PIP4K2A: variants seen among roughly 807,000 people sequenced by gnomAD.
PIP4K2A encodes the protein phosphatidylinositol 5-phosphate 4-kinase type-2 alpha.
In PIP4K2A, 14 loss-of-function variants were observed where a neutral mutation model predicts 42.9. That is an observed-to-expected ratio of 0.33 (90% CI 0.22 to 0.51). The LOEUF is 0.51. Among genes scored for constraint, PIP4K2A ranks in the 20% least tolerant of loss-of-function variants. PIP4K2A has a pLI of 0.97. For synonymous variants in PIP4K2A, 192 were observed against 192.2 expected, an observed-to-expected ratio of 1.00 and a Z score of 0.01; for missense variants, 434 against 519.8, an observed-to-expected ratio of 0.83 and a Z score of 1.61.
At chr10:22,670,442 A>T (rs1839427119) in intron 1 of PIP4K2A, among the ~76,000 whole-genome samples, 1 of 152,166 alleles carries the variant, frequency 6.6e-6, no homozygotes, top group Non-Finnish European at 1.5e-5. Flanking sequence ...TCCATATGCA[A>T]ACAGCTGTGA....
At chr10:22,607,531 C>G (rs35260664) in intron 3 of PIP4K2A, among the ~76,000 whole-genome samples, 3 of 152,082 alleles carry the variant, frequency 2.0e-5, no homozygotes, top group Non-Finnish European at 4.4e-5. Context: ...GATAAAGATT[C>G]CTGAGAGTCC....
intron 1 of PIP4K2A, among the ~76,000 whole-genome samples, chr10:22,613,947 C>T (rs1588663965): frequency 6.6e-6 from 1 of 152,188 alleles, no homozygotes; most frequent in Admixed American, 6.5e-5. Flanking sequence ...CCACTGTAGT[C>T]GATGGTGCAA....
At chr10:22,664,767 C>T (rs1750743) in intron 1 of PIP4K2A, among the ~76,000 whole-genome samples, 17,292 of 152,036 alleles carry the variant, frequency 0.11, 2,069 homozygotes, top group African/African-American at 0.3. Context: ...GAGCCACAGA[C>T]ATCTTCTAGG....
intron 1 of PIP4K2A, chr10:22,694,361 CCT>C (rs1839929095): frequency 6.6e-6 from 1 of 152,016 alleles, no homozygotes; most frequent in Non-Finnish European, 1.5e-5. Context: ...GCAGTGGGTC[CCT>C]CTGTCATCTG....
intron 9 of PIP4K2A, among the ~76,000 whole-genome samples, chr10:22,538,569 C>T (rs9783120): frequency 2.1e-3 from 316 of 152,292 alleles, no homozygotes; most frequent in African/African-American, 7.1e-3. Flanking sequence ...AAGGGTCAAA[C>T]GAGGATTCCT....
At chr10:22,619,148 G>T (rs1457603695) in intron 1 of PIP4K2A, among the ~76,000 whole-genome samples, 1 of 151,822 alleles carries the variant, frequency 6.6e-6, no homozygotes, top group Non-Finnish European at 1.5e-5. Flanking sequence ...AATGAATATA[G>T]GTTGAAACAA....
At chr10:22,660,114 T>G (rs1332689558) in intron 1 of PIP4K2A, among the ~76,000 whole-genome samples, 1 of 152,098 alleles carries the variant, frequency 6.6e-6, no homozygotes, top group African/African-American at 2.4e-5. Context: ...ACCGTCTCAC[T>G]TCCCCCTACA....
At chr10:22,569,472 T>C (rs1836929556) in intron 5 of PIP4K2A, among the ~76,000 whole-genome samples, 1 of 152,214 alleles carries the variant, frequency 6.6e-6, no homozygotes, top group African/African-American at 2.4e-5. Context: ...TTTCCTTCCT[T>C]TAGGGATTCC....
intron 4 of PIP4K2A, among the ~76,000 whole-genome samples, chr10:22,578,316 C>A (rs1837170522): frequency 6.6e-6 from 1 of 152,210 alleles, no homozygotes; most frequent in East Asian, 1.9e-4. Context: ...CATTCTGCAG[C>A]TCATCCTGCT....
At chr10:22,646,066 CAATCTG>C (rs919699894) in intron 1 of PIP4K2A, among the ~76,000 whole-genome samples, 5 of 152,096 alleles carry the variant, frequency 3.3e-5, no homozygotes, top group African/African-American at 9.7e-5. Context: ...ATTTCATGAT[CAATCTG>C]CCTGAGAAAA....
intron 5 of PIP4K2A, 152 bp from the exon 6 acceptor site, chr10:22,568,041 T>TG: frequency 1.4e-6 from 1 of 724,312 alleles, no homozygotes; most frequent in Non-Finnish European, 2.5e-6. Context: ...CATCCCTCCC[T>TG]GACCATGGCT....
chr10:22,573,641 CAGAAA>C (rs1301196144), intron 4 of PIP4K2A, among the ~76,000 whole-genome samples, 184 bp from the exon 5 acceptor site: 3 of 152,214 alleles, frequency 2.0e-5, no homozygotes, highest in Non-Finnish European at 4.4e-5. Flanking sequence ...CATCTCTACA[CAGAAA>C]AGAAAATTCA....
intron 6 of PIP4K2A, among the ~76,000 whole-genome samples, chr10:22,562,410 G>T (rs887671450): frequency 6.6e-6 from 1 of 152,102 alleles, no homozygotes; most frequent in Non-Finnish European, 1.5e-5. Context: ...TTAGCCAAGC[G>T]TAGTGACAGG....
chr10:22,539,001 CTCT>C (rs1836013115), intron 9 of PIP4K2A, among the ~76,000 whole-genome samples: 1 of 152,180 alleles, frequency 6.6e-6, no homozygotes, highest in Non-Finnish European at 1.5e-5. Flanking sequence ...TGGGAAGCAC[CTCT>C]TCTTCCAGGG....
intron 1 of PIP4K2A, among the ~76,000 whole-genome samples, chr10:22,660,935 T>C (rs1839194124): frequency 6.6e-6 from 1 of 152,162 alleles, no homozygotes; most frequent in Non-Finnish European, 1.5e-5. Context: ...GACTCGGTGA[T>C]AACGACGTGT....
At chr10:22,627,630 A>AAAAAAAAAAAAAAAAAC (rs1346625282) in intron 1 of PIP4K2A, among the ~76,000 whole-genome samples, 1 of 118,136 alleles carries the variant, frequency 8.5e-6, no homozygotes, top group African/African-American at 3.3e-5. Flanking sequence ...AAAAAAAAAA[A>AAAAAAAAAAAAAAAAAC]AGATAAGGAA....
intron 1 of PIP4K2A, among the ~76,000 whole-genome samples, chr10:22,644,436 C>A (rs2130798564): frequency 6.6e-6 from 1 of 152,328 alleles, no homozygotes; most frequent in Non-Finnish European, 1.5e-5. Context: ...GAACATCAAG[C>A]TAATTATTTC....
chr10:22,668,194 C>T (rs1374657976), intron 1 of PIP4K2A, among the ~76,000 whole-genome samples: 1 of 152,176 alleles, frequency 6.6e-6, no homozygotes, highest in Non-Finnish European at 1.5e-5. Flanking sequence ...TCGTGATCCG[C>T]CTGCCTTGGC....
At chr10:22,593,239 T>C (rs959429436) in intron 3 of PIP4K2A, among the ~76,000 whole-genome samples, 10 of 152,158 alleles carry the variant, frequency 6.6e-5, no homozygotes, top group Admixed American at 6.5e-4. Context: ...CGTTCTGCAA[T>C]AGCACACCTT....
Sources: allele counts gnomAD v4.1 joint callset (sites outside exome capture counted in the v4.1 genomes callset), GRCh38; gene constraint gnomAD v4.1.1; transcripts MANE v1.5; gene names NCBI Gene and HGNC (gene_info 2026-07-23, HGNC 2026-07-21).